The following FRMPD1 variants were observed in gnomAD, a reference collection of about 807,000 sequenced individuals.
FRMPD1 encodes the protein FERM and PDZ domain-containing protein 1.
Under a neutral mutation model 117.8 loss-of-function variants are expected in FRMPD1, and 76 were observed. The ratio of observed to expected loss-of-function variants is 0.65; its 90% CI spans 0.54 to 0.78. The LOEUF (loss-of-function observed/expected upper bound fraction) is 0.78, where lower values mean the gene tolerates loss of function less well. Ranked by LOEUF, FRMPD1 falls within the 30% of genes least tolerant of loss-of-function variation. FRMPD1 has a pLI of 0.00. For synonymous variants in FRMPD1, 783 were observed against 770.4 expected, an observed-to-expected ratio of 1.02 and a Z score of -0.27; for missense variants, 1,786 against 1,964.5, an observed-to-expected ratio of 0.91 and a Z score of 1.72.
rs151279761 is a variant in FRMPD1 at position 37,674,835 on chromosome 9, G to T, written c.-4-17803G>T. Among the ~76,000 whole-genome samples, 487 of 152,110 alleles carry T rather than the reference G, an allele frequency of 3.2e-3. 2 individuals carry two copies. The highest frequency in any genetic ancestry group is 0.011 in the African/African-American group (453 of 41,486). Reference sequence around the variant, plus strand: ...CCTATGATTCAGTTGCCTCTCCCTGGGTCCCTCCCAGAACATGTGGGAATT... The same window carrying T: ...CCTATGATTCAGTTGCCTCTCCCTGTGTCCCTCCCAGAACATGTGGGAATT... On this transcript the variant is annotated intron_variant, in intron 1 of 15. Transcript: ENST00000377765.
chr9:37,654,043 G>A (rs1020689382), intron 1 of FRMPD1, among the ~76,000 whole-genome samples: 3 of 152,166 alleles, frequency 2.0e-5, no homozygotes, highest in East Asian at 1.9e-4. Flanking sequence ...CTATGGTACT[G>A]TCCTTCATTT....
chr9:37,705,068 A>T (rs1008870266), intron 2 of FRMPD1, among the ~76,000 whole-genome samples: 2 of 152,038 alleles, frequency 1.3e-5, no homozygotes, highest in Non-Finnish European at 2.9e-5. Context: ...ACATTCAGCT[A>T]ATCTGCTTTT....
chr9:37,646,300 T>C (rs765291832), upstream of FRMPD1, among the ~76,000 whole-genome samples: 1 of 152,206 alleles, frequency 6.6e-6, no homozygotes, highest in Admixed American at 6.5e-5. Flanking sequence ...GGCTTAAGTC[T>C]GTAGTAGGCA....
At chr9:37,725,906 A>G (rs941277446) in intron 7 of FRMPD1, among the ~76,000 whole-genome samples, 1 of 152,252 alleles carries the variant, frequency 6.6e-6, no homozygotes, top group East Asian at 1.9e-4. Flanking sequence ...AAGCTTTGCA[A>G]ATGGATTAGA....
intron 6 of FRMPD1, among the ~76,000 whole-genome samples, chr9:37,719,527 G>T (rs566817158): frequency 1.3e-5 from 2 of 152,326 alleles, no homozygotes; most frequent in East Asian, 3.9e-4. Flanking sequence ...TATTGATAAT[G>T]GTGCCGGTGG....
intron 2 of FRMPD1, among the ~76,000 whole-genome samples, chr9:37,695,546 T>C (rs1563935651): frequency 6.6e-6 from 1 of 152,164 alleles, no homozygotes; most frequent in African/African-American, 2.4e-5. Context: ...ATTTGTAGCC[T>C]TGTGTGAATT....
Position 37,746,278 on chromosome 9 carries a change from G to A in FRMPD1, c.4246G>A (p.Ala1416Thr). ...RALRQLKATP[A>T]STPEGFIQLM... Reference sequence around the variant, plus strand: ...ACTGAGACAGCTGAAAGCCACCCCTGCCAGCACCCCTGAGGGCTTCATCCA... The same window carrying A: ...ACTGAGACAGCTGAAAGCCACCCCTACCAGCACCCCTGAGGGCTTCATCCA... The change falls in exon 16 of 16, where the codon GCC (alanine) becomes ACC (threonine). Residue 1416 changes from alanine to threonine, a missense_variant. Ala to Thr is a moderately conservative substitution (Grantham distance 58). Transcript: ENST00000377765. 1.2e-6 allele frequency: 2 copies of A among 1,612,766 alleles called. No homozygotes were observed. The highest frequency in any genetic ancestry group is 2.2e-5 in the South Asian group (2 of 91,072).
At chr9:37,626,053 G>A in the FRMPD1 span, among the ~76,000 whole-genome samples, 1 of 152,180 alleles carries the variant, frequency 6.6e-6, no homozygotes, top group African/African-American at 2.4e-5. Context: ...ATGGCTGGGC[G>A]CGGTGGCTCA....
the FRMPD1 span, among the ~76,000 whole-genome samples, chr9:37,622,929 CAAAG>C: frequency 6.6e-6 from 1 of 150,518 alleles, no homozygotes; most frequent in African/African-American, 2.4e-5. Flanking sequence ...AAAAAAAAAA[CAAAG>C]AGAGATGCTT....
chr9:37,670,004 A>G (rs879406532), intron 1 of FRMPD1: 3 of 152,122 alleles, frequency 2.0e-5, no homozygotes, highest in Non-Finnish European at 4.4e-5. Flanking sequence ...AAAAAAAAAA[A>G]AAGAAAAGAA....
At chr9:37,669,536 A>G (rs1232086535) in intron 1 of FRMPD1, among the ~76,000 whole-genome samples, 1 of 152,116 alleles carries the variant, frequency 6.6e-6, no homozygotes, top group Non-Finnish European at 1.5e-5. Context: ...GCAGTGACTC[A>G]CTTTGTTTCT....
chr9:37,642,264 G>T, the FRMPD1 span, among the ~76,000 whole-genome samples: 14 of 152,310 alleles, frequency 9.2e-5, no homozygotes, highest in Non-Finnish European at 1.9e-4. Context: ...CATGATACTT[G>T]CTTGTTGGAG....
chr9:37,708,856 A>G (rs1181315270), intron 4 of FRMPD1, among the ~76,000 whole-genome samples: 2 of 152,212 alleles, frequency 1.3e-5, no homozygotes, highest in Non-Finnish European at 1.5e-5. Context: ...AACATATGCC[A>G]AAGATTGAAC....
At chr9:37,665,118 A>G (rs1481222714) in intron 1 of FRMPD1, among the ~76,000 whole-genome samples, 1 of 152,228 alleles carries the variant, frequency 6.6e-6, no homozygotes, top group Non-Finnish European at 1.5e-5. Context: ...TAGAATAATA[A>G]AGACACAGGG....
the FRMPD1 span, among the ~76,000 whole-genome samples, chr9:37,637,963 G>GCTTTCTTGCTTT: frequency 1.0e-5 from 1 of 100,030 alleles, no homozygotes; most frequent in Non-Finnish European, 2.0e-5. Context: ...AATGGTGTAT[G>GCTTTCTTGCTTT]CTTTCTTTCT....
intron 1 of FRMPD1, among the ~76,000 whole-genome samples, chr9:37,682,003 A>G (rs1474710084): frequency 6.6e-6 from 1 of 152,138 alleles, no homozygotes; most frequent in Non-Finnish European, 1.5e-5. Context: ...GTGGCCAGGA[A>G]CTCGTCCTAA....
the FRMPD1 span, among the ~76,000 whole-genome samples, chr9:37,635,575 G>A: frequency 3.9e-5 from 6 of 152,142 alleles, no homozygotes; most frequent in Non-Finnish European, 5.9e-5. Context: ...ACCTGGGAGC[G>A]GGGGGCACCC....
At chr9:37,715,386 A>G (rs1362602165) in intron 5 of FRMPD1, among the ~76,000 whole-genome samples, 2 of 152,100 alleles carry the variant, frequency 1.3e-5, no homozygotes. Context: ...TTCCTTAGTG[A>G]TATGCTGTTG....
chr9:37,668,255 C>A (rs771920113), intron 1 of FRMPD1: 7 of 152,234 alleles, frequency 4.6e-5, no homozygotes, highest in African/African-American at 1.7e-4. Flanking sequence ...AGGAGAGAAG[C>A]CAGACATGTT....
Sources: gnomAD v4.1 joint callset for allele counts (sites outside exome capture counted in the v4.1 genomes callset) on GRCh38, gnomAD v4.1.1 for gene constraint, MANE v1.5 for transcripts, NCBI Gene and HGNC (gene_info 2026-07-23, HGNC 2026-07-21) for gene names.